Variants in BICRAL observed in about 807,000 individuals in gnomAD.
BICRAL encodes the protein BRD4-interacting chromatin-remodeling complex-associated protein-like.
Under a neutral mutation model 91.8 loss-of-function variants are expected in BICRAL, and 8 were observed. The ratio of observed to expected loss-of-function variants is 0.09; its 90% CI spans 0.05 to 0.16. The LOEUF is 0.16. BICRAL is among the 10% of genes least tolerant of loss of function. The pLI is 1.00. For synonymous variants in BICRAL, 445 were observed against 491.1 expected, an observed-to-expected ratio of 0.91 and a Z score of 1.24; for missense variants, 1,038 against 1,310.9, an observed-to-expected ratio of 0.79 and a Z score of 3.21.
chr6:42,763,371 C>G (rs1290504222), intron 1 of BICRAL, among the ~76,000 whole-genome samples: 1 of 152,196 alleles, frequency 6.6e-6, no homozygotes, highest in Non-Finnish European at 1.5e-5. Context: ...TATAAATGCT[C>G]ATTCACTGAG....
upstream of BICRAL, among the ~76,000 whole-genome samples, chr6:42,746,343 C>G (rs1172518479): frequency 2.0e-5 from 3 of 151,930 alleles, no homozygotes; most frequent in Non-Finnish European, 4.4e-5. Context: ...AGGGGCAGGA[C>G]TTATATCCGG....
At chr6:42,796,417 A>G (rs925824299) in intron 1 of BICRAL, among the ~76,000 whole-genome samples, 24 of 152,242 alleles carry the variant, frequency 1.6e-4, no homozygotes, top group Admixed American at 1.6e-3. Flanking sequence ...AGCAAGGGCT[A>G]GAATCAAAAG....
intron 1 of BICRAL, among the ~76,000 whole-genome samples, chr6:42,801,085 TC>T (rs111301928): frequency 8.8e-4 from 133 of 151,920 alleles, no homozygotes; most frequent in African/African-American, 3.1e-3. Flanking sequence ...AAACCCTGTC[TC>T]TACTAAAAAT....
chr6:42,766,553 G>A (rs1043943629), intron 1 of BICRAL, among the ~76,000 whole-genome samples: 4 of 152,194 alleles, frequency 2.6e-5, no homozygotes, highest in African/African-American at 9.7e-5. Context: ...ATTGTAGAAA[G>A]AGAAAGAGGC....
chr6:42,769,682 CCACCG>C (rs1762690951), intron 1 of BICRAL, among the ~76,000 whole-genome samples: 1 of 152,150 alleles, frequency 6.6e-6, no homozygotes, highest in Non-Finnish European at 1.5e-5. Flanking sequence ...TCACCTCTGC[CCACCG>C]ACCTTCCATA....
chr6:42,801,111 G>A lies in BICRAL; in HGVS notation c.-101-9195G>A, dbSNP rs935095741. Among the ~76,000 whole-genome samples, 5 of 151,902 alleles carry A rather than the reference G, an allele frequency of 3.3e-5. No homozygotes were observed. The South Asian group carries it at 8.3e-4, about 25-fold the overall frequency. On this transcript the variant is annotated intron_variant, in intron 1 of 12. Transcript: ENST00000314073. ...CTACTAAAAATACAAAATTAGCCAG[G>A]CGTTGTGGCAGGTGCCTGTAATCCC...
intron 1 of BICRAL, among the ~76,000 whole-genome samples, chr6:42,795,792 A>G (rs1293988476): frequency 1.8e-4 from 28 of 152,166 alleles, no homozygotes; most frequent in African/African-American, 2.4e-5. Context: ...TCTAAGCGGA[A>G]TGTCTTGTTT....
At chr6:42,820,266 TATTA>T (rs1286653258) in intron 2 of BICRAL, among the ~76,000 whole-genome samples, 1 of 152,200 alleles carries the variant, frequency 6.6e-6, no homozygotes, top group African/African-American at 2.4e-5. Context: ...CTTACATTTT[TATTA>T]ATTAGTTTGT....
intron 1 of BICRAL, among the ~76,000 whole-genome samples, chr6:42,804,869 G>A (rs1387768368): frequency 6.6e-6 from 1 of 152,046 alleles, no homozygotes; most frequent in Non-Finnish European, 1.5e-5. Context: ...TTTATATTTG[G>A]GCTCTGCTTT....
At chr6:42,785,467 G>A (rs2395924) in intron 1 of BICRAL, among the ~76,000 whole-genome samples, 71,910 of 151,154 alleles carry the variant, frequency 0.48, 18,759 homozygotes, top group African/African-American at 0.7. Flanking sequence ...AGGCTGAGGC[G>A]AGAGAATCAC....
intron 10 of BICRAL, among the ~76,000 whole-genome samples, chr6:42,857,614 A>AAAAAAAAAAAAATAT: frequency 1.8e-4 from 17 of 96,218 alleles, no homozygotes; most frequent in African/African-American, 7.9e-4. Context: ...AAAAAAAAAA[A>AAAAAAAAAAAAATAT]ATATATATAT....
chr6:42,790,785 C>T (rs890432328), intron 1 of BICRAL, among the ~76,000 whole-genome samples: 2 of 151,894 alleles, frequency 1.3e-5, no homozygotes, highest in African/African-American at 4.8e-5. Context: ...ATACCAGATG[C>T]GTTTCTGCAT....
At chr6:42,792,796 C>G (rs1027664243) in intron 1 of BICRAL, among the ~76,000 whole-genome samples, 1 of 151,730 alleles carries the variant, frequency 6.6e-6, no homozygotes, top group African/African-American at 2.4e-5. Flanking sequence ...ACCTGTAATC[C>G]CAGCTATTCT....
At chr6:42,791,022 A>G (rs1186300682) in intron 1 of BICRAL, among the ~76,000 whole-genome samples, 2 of 152,032 alleles carry the variant, frequency 1.3e-5, no homozygotes, top group Admixed American at 1.3e-4. Context: ...GGAGCTCAGG[A>G]CTTGACTGTG....
intron 1 of BICRAL, among the ~76,000 whole-genome samples, chr6:42,802,218 AGC>A (rs1763594328): frequency 6.6e-6 from 1 of 152,186 alleles, no homozygotes; most frequent in Admixed American, 6.6e-5. Context: ...ATCGTACTCC[AGC>A]CTGGGCAACA....
chr6:42,823,375 G>C (rs1378376315), intron 5 of BICRAL, among the ~76,000 whole-genome samples: 6 of 152,090 alleles, frequency 3.9e-5, no homozygotes, highest in Non-Finnish European at 8.8e-5. Context: ...ACCTACCTTG[G>C]CCTCCCAAAA....
chr6:42,811,001 G>A lies in BICRAL; in HGVS notation c.-6+600G>A, dbSNP rs78642291. Among the ~76,000 whole-genome samples, 1,099 of 152,146 alleles carry A rather than the reference G, an allele frequency of 7.2e-3. 6 individuals are homozygous for A. Among genetic ancestry groups the A allele is most frequent in the African/African-American group, 0.023 (959 of 41,502 alleles). ...ATACTCTGATCCTATAATCTCTGCC[G>A]ATGAACTCATATAACCCCTTCAAGA... On this transcript the variant is annotated intron_variant, in intron 2 of 12. Transcript: ENST00000314073.
chr6:42,784,866 A>C (rs752680569), intron 1 of BICRAL, among the ~76,000 whole-genome samples: 5 of 152,138 alleles, frequency 3.3e-5, no homozygotes, highest in Non-Finnish European at 5.9e-5. Context: ...CAATATTGAC[A>C]TTCTGGCCCA....
chr6:42,758,926 C>T (rs574957942), intron 1 of BICRAL, among the ~76,000 whole-genome samples: 1 of 152,302 alleles, frequency 6.6e-6, no homozygotes, highest in Admixed American at 6.5e-5. Flanking sequence ...TCCAGTGCTT[C>T]CAGCAACAGA....
Sources: gnomAD v4.1 joint callset for allele counts (sites outside exome capture counted in the v4.1 genomes callset) on GRCh38, gnomAD v4.1.1 for gene constraint, MANE v1.5 for transcripts, NCBI Gene and HGNC (gene_info 2026-07-23, HGNC 2026-07-21) for gene names.